RARB: variants seen among roughly 807,000 people sequenced by gnomAD.
RARB encodes the protein HBV-activated protein.
Under a neutral mutation model 51.9 loss-of-function variants are expected in RARB, and 17 were observed. The observed-to-expected ratio is 0.33, with a 90% CI of 0.22 to 0.49. The LOEUF (loss-of-function observed/expected upper bound fraction) is 0.49. Among genes scored for constraint, RARB ranks in the 20% least tolerant of loss-of-function variants. The pLI, the probability that RARB is intolerant of heterozygous loss-of-function variation, is 0.99. For synonymous variants in RARB, 215 were observed against 195.4 expected (o/e 1.10, Z -0.84); for missense variants, 369 against 550.8 (o/e 0.67, Z 3.30).
chr3:25,447,385 C>T (rs1235076284), intron 1 of RARB, among the ~76,000 whole-genome samples: 2 of 152,138 alleles, frequency 1.3e-5, no homozygotes, highest in African/African-American at 2.4e-5. Flanking sequence ...CTAGCTGGGG[C>T]CATGTTTGCC....
rs115065602 is a variant in RARB, at chr3:24,865,732, C to A, written c.-380+6980C>A. 3.8e-3 allele frequency among the ~76,000 whole-genome samples: 571 copies of A among 152,218 alleles called. 4 individuals are homozygous for A. The highest frequency in any genetic ancestry group is 0.014 in the Middle Eastern group (4 of 294). On this transcript the variant is annotated intron_variant, in intron 2 of 11. Transcript: ENST00000383772. ...AATACAAACACAATTTGAGTAAAATCTAAATTAACATTAAATTGATGTGAC... is the reference window on the plus strand; with the variant it reads ...AATACAAACACAATTTGAGTAAAATATAAATTAACATTAAATTGATGTGAC...
chr3:25,167,837 C>T (rs551540081), intron 4 of RARB, among the ~76,000 whole-genome samples: 9 of 152,112 alleles, frequency 5.9e-5, no homozygotes, highest in African/African-American at 1.7e-4. Context: ...TTCCTCCATT[C>T]GAATACTAGA....
chr3:25,416,310 G>C (rs1161189493), intron 5 of RARB, among the ~76,000 whole-genome samples: 2 of 152,200 alleles, frequency 1.3e-5, no homozygotes, highest in Admixed American at 6.5e-5. Flanking sequence ...GATCGCTTGA[G>C]CCTGTGAGAT....
chr3:25,535,379 A>C (rs1312646733), intron 3 of RARB, among the ~76,000 whole-genome samples: 1 of 151,038 alleles, frequency 6.6e-6, no homozygotes, highest in Non-Finnish European at 1.5e-5. Context: ...ACATCGGGCA[A>C]ATAACCTCTT....
intron 2 of RARB, among the ~76,000 whole-genome samples, chr3:24,970,927 G>T (rs1418896645): frequency 6.6e-6 from 1 of 151,930 alleles, no homozygotes; most frequent in East Asian, 1.9e-4. Flanking sequence ...TCTCTAATGA[G>T]TCAGCTCATC....
chr3:25,564,620 TATC>T (rs1322128670), intron 3 of RARB, among the ~76,000 whole-genome samples: 2 of 152,164 alleles, frequency 1.3e-5, no homozygotes, highest in African/African-American at 4.8e-5. Context: ...ATGTCTACCT[TATC>T]ATTTGCAAAA....
chr3:24,835,690 G>C (rs1456488999), intron 1 of RARB, among the ~76,000 whole-genome samples: 1 of 152,090 alleles, frequency 6.6e-6, no homozygotes, highest in South Asian at 2.1e-4. Context: ...GTCTGTAGTA[G>C]GGCACCTCCC....
chr3:24,981,833 A>C (rs1696681347), intron 2 of RARB, among the ~76,000 whole-genome samples: 1 of 152,236 alleles, frequency 6.6e-6, no homozygotes, highest in South Asian at 2.1e-4. Flanking sequence ...CAGGTACCTC[A>C]GTTGGAAATG....
intron 1 of RARB, among the ~76,000 whole-genome samples, chr3:25,438,165 G>A (rs1446872279): frequency 6.6e-6 from 1 of 152,194 alleles, no homozygotes. Context: ...TGTGACTTGT[G>A]CATGTCACAG....
At chr3:25,032,980 A>C (rs762484888) in intron 2 of RARB, among the ~76,000 whole-genome samples, 24 of 152,190 alleles carry the variant, frequency 1.6e-4, no homozygotes, top group Non-Finnish European at 2.4e-4. Flanking sequence ...ATTACAGTCA[A>C]ATTGAAATGT....
chr3:25,429,003 T>C, intron 1 of RARB, 115 bp downstream of exon 1: 4 of 1,288,762 alleles, frequency 3.1e-6, no homozygotes, highest in Non-Finnish European at 4.2e-6. Flanking sequence ...TTTAATGATT[T>C]AATGCTGAAG....
intron 5 of RARB, among the ~76,000 whole-genome samples, chr3:25,329,119 G>T (rs891106311): frequency 1.3e-5 from 2 of 152,208 alleles, no homozygotes; most frequent in African/African-American, 2.4e-5. Flanking sequence ...TGAACAAAAG[G>T]CAGCAGAAAC....
intron 2 of RARB, among the ~76,000 whole-genome samples, chr3:24,880,006 G>GTAAATAC (rs201627362): frequency 0.73 from 111,197 of 151,616 alleles, 41,776 homozygotes; most frequent in African/African-American, 0.88. Context: ...GCCCCTAATA[G>GTAAATAC]TCAAAGACAT....
chr3:25,333,376 A>G (rs988189512), intron 5 of RARB, among the ~76,000 whole-genome samples: 1 of 152,210 alleles, frequency 6.6e-6, no homozygotes, highest in Non-Finnish European at 1.5e-5. Context: ...AATACCACAC[A>G]TCTACGACCA....
chr3:25,228,126 A>AT (rs1470419651), intron 5 of RARB, among the ~76,000 whole-genome samples: 2 of 149,970 alleles, frequency 1.3e-5, no homozygotes, highest in African/African-American at 5.0e-5. Flanking sequence ...GATTATAACT[A>AT]TTTTTTATGA....
At chr3:24,832,652 A>ATATATATATATATAT (rs1491520085) in intron 1 of RARB, among the ~76,000 whole-genome samples, 3 of 61,068 alleles carry the variant, frequency 4.9e-5, no homozygotes, top group African/African-American at 2.8e-4. Flanking sequence ...TATATATATA[A>ATATATATATATATAT]TGTCAATTAA....
intron 2 of RARB, among the ~76,000 whole-genome samples, chr3:25,031,318 C>G (rs1044970193): frequency 2.0e-5 from 3 of 152,222 alleles, no homozygotes; most frequent in Non-Finnish European, 4.4e-5. Flanking sequence ...TTTCTGTTCT[C>G]ATACCATAAA....
At chr3:24,991,652 G>A (rs1696914794) in intron 2 of RARB, among the ~76,000 whole-genome samples, 1 of 151,978 alleles carries the variant, frequency 6.6e-6, no homozygotes, top group African/African-American at 2.4e-5. Flanking sequence ...TGTATTACGG[G>A]TTTAGGAAAT....
chr3:25,313,621 G>C (rs1704344323), intron 5 of RARB, among the ~76,000 whole-genome samples: 1 of 152,144 alleles, frequency 6.6e-6, no homozygotes, highest in African/African-American at 2.4e-5. Context: ...TGTACTCTGT[G>C]TTGCTTTAGG....
Sources: gnomAD v4.1 joint callset for allele counts (sites outside exome capture counted in the v4.1 genomes callset) on GRCh38, gnomAD v4.1.1 for gene constraint, MANE v1.5 for transcripts, NCBI Gene and HGNC (gene_info 2026-07-23, HGNC 2026-07-21) for gene names.